SNTG1: variants seen among roughly 807,000 people sequenced by gnomAD.
SNTG1 encodes the protein gamma-1-syntrophin.
In SNTG1, 39 loss-of-function variants were observed where a neutral mutation model predicts 74.7. The ratio of observed to expected loss-of-function variants is 0.52; its 90% confidence interval spans 0.40 to 0.68. The LOEUF (loss-of-function observed/expected upper bound fraction) is 0.68. Ranked by LOEUF, SNTG1 falls within the 30% of genes least tolerant of loss-of-function variation. The pLI, the probability that SNTG1 is intolerant of heterozygous loss-of-function variation, is 0.00. For missense variants in SNTG1, 685 were observed against 609.5 expected, an observed-to-expected ratio of 1.12 and a Z score of -1.30; for synonymous variants, 254 against 217.1, an observed-to-expected ratio of 1.17 and a Z score of -1.49.
intron 1 of SNTG1, among the ~76,000 whole-genome samples, chr8:49,917,144 C>A (rs1025776598): frequency 6.6e-6 from 1 of 152,018 alleles, no homozygotes; most frequent in African/African-American, 2.4e-5. Flanking sequence ...AAAAATGCAT[C>A]CAGTACACAC....
chr8:50,580,107 G>A (rs1264307114), intron 12 of SNTG1, among the ~76,000 whole-genome samples: 1 of 152,252 alleles, frequency 6.6e-6, no homozygotes, highest in African/African-American at 2.4e-5. Context: ...GCATCAGCAT[G>A]ACTTGGATGT....
chr8:50,319,303 T>G (rs1348518564), intron 2 of SNTG1, among the ~76,000 whole-genome samples: 4 of 152,006 alleles, frequency 2.6e-5, no homozygotes, highest in Non-Finnish European at 5.9e-5. Context: ...GGTGGAGATT[T>G]CAGTGAGCTG....
At chr8:50,183,797 G>T (rs1056641155) in intron 2 of SNTG1, among the ~76,000 whole-genome samples, 2 of 152,082 alleles carry the variant, frequency 1.3e-5, no homozygotes, top group African/African-American at 4.8e-5. Flanking sequence ...GTCATCATTT[G>T]TCTGAATTTG....
At chr8:50,292,223 A>G (rs927273741) in intron 2 of SNTG1, among the ~76,000 whole-genome samples, 2 of 152,148 alleles carry the variant, frequency 1.3e-5, no homozygotes, top group African/African-American at 4.8e-5. Flanking sequence ...CAGATGAGTA[A>G]GGAAGACAGG....
chr8:50,385,979 TA>T (rs2092568040), intron 2 of SNTG1, among the ~76,000 whole-genome samples: 1 of 152,178 alleles, frequency 6.6e-6, no homozygotes, highest in South Asian at 2.1e-4. Flanking sequence ...TCGATGATAG[TA>T]ATAAAGTCTA....
At chr8:50,270,219 T>C (rs1412335954) in intron 2 of SNTG1, among the ~76,000 whole-genome samples, 1 of 152,068 alleles carries the variant, frequency 6.6e-6, no homozygotes, top group African/African-American at 2.4e-5. Context: ...GAATGCCAGG[T>C]TAAGAATTTT....
chr8:50,354,662 C>T (rs938992008), intron 2 of SNTG1, among the ~76,000 whole-genome samples: 1 of 152,106 alleles, frequency 6.6e-6, no homozygotes, highest in African/African-American at 2.4e-5. Context: ...GTTATTCTCT[C>T]TCAGTTTCCA....
intron 2 of SNTG1, among the ~76,000 whole-genome samples, chr8:50,351,581 C>A (rs1213670504): frequency 6.6e-6 from 1 of 152,092 alleles, no homozygotes; most frequent in African/African-American, 2.4e-5. Flanking sequence ...TAGGCTACTA[C>A]ATGGAAATAT....
In SNTG1 at chr8:50,619,047, G is replaced by A. The variant is rs529139044; in HGVS notation, c.849+28130G>A. Among the ~76,000 whole-genome samples the A allele has an allele frequency of 3.6e-4, 55 of 152,070 alleles. 1 individual carries two copies. In the South Asian group the frequency reaches 0.011, roughly 30 times the overall value. On this transcript the variant is annotated intron_variant, in intron 13 of 18. Transcript: ENST00000642720. ...ATGGCTGTTTATTTTTCTGTTTCCTGCTATCATTTTTATAAAACAATGTTT... is the reference window on the plus strand; with the variant it reads ...ATGGCTGTTTATTTTTCTGTTTCCTACTATCATTTTTATAAAACAATGTTT...
chr8:50,554,326 GT>G (rs1016990692), intron 12 of SNTG1, among the ~76,000 whole-genome samples: 1 of 152,034 alleles, frequency 6.6e-6, no homozygotes, highest in African/African-American at 2.4e-5. Flanking sequence ...AATGCTAAGT[GT>G]TTTCCAATTG....
chr8:49,942,353 C>A (rs1268165092), intron 1 of SNTG1, among the ~76,000 whole-genome samples: 2 of 152,068 alleles, frequency 1.3e-5, no homozygotes, highest in Admixed American at 6.5e-5. Flanking sequence ...TTTTAATATA[C>A]AGAAAATTTG....
chr8:50,219,858 G>T (rs868330822), intron 2 of SNTG1, among the ~76,000 whole-genome samples: 32 of 152,062 alleles, frequency 2.1e-4, no homozygotes, highest in Non-Finnish European at 3.5e-4. Flanking sequence ...ATTTTAAAAG[G>T]CAAATGATAG....
At chr8:50,779,776 G>C (rs1351000287) in intron 18 of SNTG1, among the ~76,000 whole-genome samples, 1 of 151,702 alleles carries the variant, frequency 6.6e-6, no homozygotes, top group African/African-American at 2.4e-5. Flanking sequence ...ATCCTGTCTT[G>C]TGCCAGTTTT....
chr8:50,666,554 A>G (rs2095251738), intron 15 of SNTG1, among the ~76,000 whole-genome samples: 1 of 152,142 alleles, frequency 6.6e-6, no homozygotes, highest in Admixed American at 6.6e-5. Context: ...TTCACTTGCA[A>G]ATGTTCTTTA....
chr8:50,191,502 CT>C (rs1377213471), intron 2 of SNTG1, among the ~76,000 whole-genome samples: 5 of 152,048 alleles, frequency 3.3e-5, no homozygotes, highest in African/African-American at 1.2e-4. Flanking sequence ...GGTTAATCAG[CT>C]GTAATTTATG....
chr8:49,979,570 T>A (rs1031458969), intron 1 of SNTG1, among the ~76,000 whole-genome samples: 3 of 152,148 alleles, frequency 2.0e-5, no homozygotes, highest in Non-Finnish European at 4.4e-5. Context: ...GTCCTTGGGC[T>A]CCCTCATTCT....
At chr8:50,701,733 T>C (rs113187359) in intron 15 of SNTG1, among the ~76,000 whole-genome samples, 5 of 44,806 alleles carry the variant, frequency 1.1e-4, no homozygotes, top group Admixed American at 4.9e-4. Flanking sequence ...TCTTCTTCTT[T>C]TTCTTTTTCT....
intron 8 of SNTG1, among the ~76,000 whole-genome samples, chr8:50,487,484 T>C (rs1180769823): frequency 1.3e-5 from 2 of 152,146 alleles, no homozygotes; most frequent in Non-Finnish European, 2.9e-5. Context: ...GTGGCACATT[T>C]ACACCATGGA....
chr8:50,504,289 A>G (rs2093988272), intron 9 of SNTG1, among the ~76,000 whole-genome samples: 1 of 152,200 alleles, frequency 6.6e-6, no homozygotes, highest in Non-Finnish European at 1.5e-5. Context: ...TATTGTGAAT[A>G]GTGCTGCAAT....
Sources: allele counts gnomAD v4.1 joint callset (sites outside exome capture counted in the v4.1 genomes callset), GRCh38; gene constraint gnomAD v4.1.1; transcripts MANE v1.5; gene names NCBI Gene and HGNC (gene_info 2026-07-23, HGNC 2026-07-21).